CDK14: variants seen among roughly 807,000 people sequenced by gnomAD.
CDK14 encodes cyclin dependent kinase 14.
A neutral mutation model predicts 60.7 loss-of-function variants in CDK14; 34 were observed. The ratio of observed to expected loss-of-function variants is 0.56; its 90% CI spans 0.43 to 0.75. The LOEUF (loss-of-function observed/expected upper bound fraction) is 0.75, where lower values mean the gene tolerates loss of function less well. Among genes scored for constraint, CDK14 ranks in the 30% least tolerant of loss-of-function variants. The pLI, the probability that CDK14 is intolerant of heterozygous loss-of-function variation, is 0.00. For missense variants in CDK14, 482 were observed against 564.1 expected (o/e 0.85, Z 1.47); for synonymous variants, 197 against 203.7 (o/e 0.97, Z 0.28).
intron 7 of CDK14, among the ~76,000 whole-genome samples, chr7:90,912,268 A>G (rs1417907975): frequency 6.6e-6 from 1 of 152,106 alleles, no homozygotes; most frequent in African/African-American, 2.4e-5. Flanking sequence ...CTCTCATGTT[A>G]TCTATTTCTA....
chr7:91,145,523 C>T (rs1800598953), intron 14 of CDK14, among the ~76,000 whole-genome samples: 1 of 152,196 alleles, frequency 6.6e-6, no homozygotes, highest in African/African-American at 2.4e-5. Flanking sequence ...ACCCCTTCTC[C>T]CTCAAATTGG....
At chr7:90,653,460 T>A (rs1378162629) in intron 2 of CDK14, among the ~76,000 whole-genome samples, 1 of 152,012 alleles carries the variant, frequency 6.6e-6, no homozygotes, top group Non-Finnish European at 1.5e-5. Flanking sequence ...TCCTTTCCCA[T>A]TTTTCCTCCT....
intron 8 of CDK14, among the ~76,000 whole-genome samples, chr7:90,926,444 G>T (rs1164677948): frequency 6.6e-6 from 1 of 152,164 alleles, no homozygotes; most frequent in East Asian, 1.9e-4. Flanking sequence ...ATATTCCTGG[G>T]TGAATTAAAG....
chr7:90,948,426 A>C (rs144429369), intron 8 of CDK14, among the ~76,000 whole-genome samples: 9 of 152,390 alleles, frequency 5.9e-5, no homozygotes, highest in Admixed American at 5.9e-4. Context: ...GAATTTAAGC[A>C]TATATGATAT....
At chr7:91,082,782 A>T (rs539937188) in intron 12 of CDK14, among the ~76,000 whole-genome samples, 9 of 152,338 alleles carry the variant, frequency 5.9e-5, no homozygotes, top group Non-Finnish European at 1.2e-4. Flanking sequence ...TATTTAAAAT[A>T]ATATTCGGAG....
chr7:90,608,304 T>G (rs953427487), intron 2 of CDK14, among the ~76,000 whole-genome samples: 2 of 152,228 alleles, frequency 1.3e-5, no homozygotes, highest in Non-Finnish European at 2.9e-5. Flanking sequence ...ATATTAATGA[T>G]ACCTAATATA....
At chr7:91,091,347 G>A (rs1489216370) in intron 12 of CDK14, among the ~76,000 whole-genome samples, 1 of 139,812 alleles carries the variant, frequency 7.2e-6, no homozygotes, top group Non-Finnish European at 1.5e-5. Context: ...ACATATATGT[G>A]TATATAAATT....
intron 11 of CDK14, among the ~76,000 whole-genome samples, chr7:91,068,581 C>T (rs967389373): frequency 2.0e-5 from 3 of 152,110 alleles, no homozygotes; most frequent in African/African-American, 7.2e-5. Context: ...ATCGACTCCT[C>T]CCTTTCTGTC....
intron 2 of CDK14, among the ~76,000 whole-genome samples, chr7:90,719,682 A>G (rs1398491264): frequency 6.6e-6 from 1 of 152,236 alleles, no homozygotes; most frequent in Non-Finnish European, 1.5e-5. Context: ...ATCTCAAAGC[A>G]AGTTTGAAAT....
At position 90,786,431 on chromosome 7, in the gene CDK14, C is replaced by G. The variant is rs190716331; in HGVS notation, c.465-4142C>G. Among the ~76,000 whole-genome samples, 4 of 152,214 alleles carry G rather than the reference C, an allele frequency of 2.6e-5. No individual in the cohort carries two copies. In the East Asian group the frequency reaches 7.7e-4, roughly 29 times the overall value. ...TTCAATTTGAATTTTGTGATTATTT[C>G]AAGTTATTTAAATCAACGTTTGAAT... On this transcript the variant is annotated intron_variant, in intron 4 of 14. Transcript: ENST00000380050.
At chr7:91,034,574 C>T in intron 10 of CDK14, among the ~76,000 whole-genome samples, 1 of 152,128 alleles carries the variant, frequency 6.6e-6, no homozygotes, top group East Asian at 1.9e-4. Context: ...ACACCCTCTC[C>T]TTCAATCCAT....
intron 4 of CDK14, among the ~76,000 whole-genome samples, chr7:90,777,682 T>C (rs113905262): frequency 0.013 from 1,958 of 152,292 alleles, 59 homozygotes; most frequent in African/African-American, 0.045. Flanking sequence ...CTTTGCCTAG[T>C]GCACATAGGG....
chr7:90,904,879 G>A (rs1792643269), intron 7 of CDK14, among the ~76,000 whole-genome samples: 1 of 152,176 alleles, frequency 6.6e-6, no homozygotes, highest in Admixed American at 6.6e-5. Flanking sequence ...CAGTAACACT[G>A]AAAGGGGAAT....
intron 9 of CDK14, among the ~76,000 whole-genome samples, chr7:90,976,980 T>C (rs529663382): frequency 7.9e-5 from 12 of 152,308 alleles, no homozygotes; most frequent in Non-Finnish European, 1.3e-4. Context: ...TTTTTACTTT[T>C]GTTGCCTGTG....
intron 5 of CDK14, among the ~76,000 whole-genome samples, 192 bp from the exon 6 acceptor site, chr7:90,862,983 C>T (rs1262506483): frequency 1.3e-5 from 2 of 152,236 alleles, no homozygotes; most frequent in Non-Finnish European, 1.5e-5. Context: ...AGTTTGAGAC[C>T]AGCCTGGGCA....
At chr7:91,142,475 G>A (rs1245562906) in intron 14 of CDK14, among the ~76,000 whole-genome samples, 2 of 152,204 alleles carry the variant, frequency 1.3e-5, no homozygotes, top group South Asian at 2.1e-4. Flanking sequence ...TCTGTTGTCC[G>A]TGTCAAATGT....
intron 3 of CDK14, among the ~76,000 whole-genome samples, chr7:90,746,594 T>C (rs1803600843): frequency 6.6e-6 from 1 of 152,268 alleles, no homozygotes; most frequent in Non-Finnish European, 1.5e-5. Context: ...TAATATGCTT[T>C]GGTATTACCC....
chr7:90,963,115 G>GTT (rs1272335607), intron 9 of CDK14, among the ~76,000 whole-genome samples: 1 of 149,126 alleles, frequency 6.7e-6, no homozygotes, highest in Non-Finnish European at 1.5e-5. Context: ...GTGTGTGTGT[G>GTT]TGTGTGTGTT....
chr7:90,950,222 G>A lies in CDK14; in HGVS notation c.827-5475G>A, dbSNP rs570428760. 1.4e-4 allele frequency among the ~76,000 whole-genome samples: 21 copies of A among 152,138 alleles called. No homozygotes were observed. In the South Asian group the frequency reaches 2.1e-3, roughly 15 times the overall value. Reference sequence around the variant, plus strand: ...CTCTCGAGTACCTGGGATTACAGGCGCGTGCCACCATACCCAGCTGATTTT... The same window carrying A: ...CTCTCGAGTACCTGGGATTACAGGCACGTGCCACCATACCCAGCTGATTTT... On this transcript the variant is annotated intron_variant, in intron 8 of 14. Coordinates refer to ENST00000380050, the MANE Select transcript of CDK14 (RefSeq NM_001287135.2).
Sources: allele counts gnomAD v4.1 joint callset (sites outside exome capture counted in the v4.1 genomes callset), GRCh38; gene constraint gnomAD v4.1.1; transcripts MANE v1.5; gene names NCBI Gene and HGNC (gene_info 2026-07-23, HGNC 2026-07-21).